Variants in TSPAN13 observed in about 807,000 individuals in gnomAD.
TSPAN13 encodes the protein tetraspanin-13.
Under a neutral mutation model 26.9 loss-of-function variants are expected in TSPAN13, and 18 were observed. The ratio of observed to expected loss-of-function variants is 0.67; its 90% CI spans 0.46 to 0.99. The LOEUF is 0.99. Ranked by LOEUF, TSPAN13 falls within the 50% of genes least tolerant of loss-of-function variation. The pLI is 0.00. For synonymous variants in TSPAN13, 116 were observed against 98.4 expected, an observed-to-expected ratio of 1.18 and a Z score of -1.06; for missense variants, 201 against 249.6, an observed-to-expected ratio of 0.81 and a Z score of 1.31.
intron 1 of TSPAN13, among the ~76,000 whole-genome samples, chr7:16,761,146 A>G (rs1331109331): frequency 6.6e-6 from 1 of 152,166 alleles, no homozygotes; most frequent in Non-Finnish European, 1.5e-5. Context: ...ACCTTTATAT[A>G]ATTTCCATAT....
At chr7:16,781,931 G>A (rs546983922) in intron 5 of TSPAN13, among the ~76,000 whole-genome samples, 128 of 152,092 alleles carry the variant, frequency 8.4e-4, no homozygotes, top group Admixed American at 1.6e-3. Flanking sequence ...TCAGATTACC[G>A]AATAAAACCA....
intron 5 of TSPAN13, among the ~76,000 whole-genome samples, chr7:16,781,166 G>C (rs190919463): frequency 6.2e-4 from 94 of 152,208 alleles, no homozygotes; most frequent in Admixed American, 4.9e-3. Flanking sequence ...GTTCTTTGTA[G>C]TAACTTGAGA....
chr7:16,775,468 A>G lies in TSPAN13; in HGVS notation c.64-743A>G, dbSNP rs190396315. Among the ~76,000 whole-genome samples the G allele has an allele frequency of 1.1e-4, 16 of 152,374 alleles. No homozygotes were observed. The East Asian group carries it at 3.1e-3, about 29-fold the overall frequency. On this transcript the variant is annotated intron_variant, in intron 1 of 5. Coordinates refer to ENST00000262067, the MANE Select transcript of TSPAN13 (RefSeq NM_014399.4). ...CTCTTACATTCTTTTTATTCTGCTA[A>G]AAGTTTTAATGATCTCTCTATATAT...
intron 1 of TSPAN13, among the ~76,000 whole-genome samples, chr7:16,769,006 A>G (rs1330231198): frequency 1.3e-5 from 2 of 151,954 alleles, no homozygotes; most frequent in East Asian, 1.9e-4. Flanking sequence ...TTGTATTTCT[A>G]GTAGAGACAG....
chr7:16,777,485 C>T (rs1184848946), intron 3 of TSPAN13, among the ~76,000 whole-genome samples: 1 of 152,078 alleles, frequency 6.6e-6, no homozygotes, highest in Non-Finnish European at 1.5e-5. Context: ...TAGACAAATC[C>T]AGGTTTCTGT....
chr7:16,777,531 C>G (rs188078917), intron 3 of TSPAN13, among the ~76,000 whole-genome samples: 2 of 152,042 alleles, frequency 1.3e-5, no homozygotes, highest in African/African-American at 2.4e-5. Flanking sequence ...GTTAACACTC[C>G]GAGAATTATG....
chr7:16,781,812 G>A (rs934814809), intron 5 of TSPAN13, among the ~76,000 whole-genome samples: 2 of 152,198 alleles, frequency 1.3e-5, no homozygotes, highest in Admixed American at 1.3e-4. Flanking sequence ...TGATATTTGG[G>A]CAGGTTGAGG....
intron 1 of TSPAN13, among the ~76,000 whole-genome samples, chr7:16,769,892 T>C (rs932280468): frequency 1.3e-5 from 2 of 152,182 alleles, no homozygotes; most frequent in African/African-American, 4.8e-5. Context: ...AGAATAATCT[T>C]TCCTATCTTT....
intron 1 of TSPAN13, among the ~76,000 whole-genome samples, chr7:16,760,489 C>A (rs1157749235): frequency 6.6e-6 from 1 of 152,132 alleles, no homozygotes; most frequent in African/African-American, 2.4e-5. Flanking sequence ...GTGGAGCAGA[C>A]TTTGGGATGA....
intron 1 of TSPAN13, among the ~76,000 whole-genome samples, chr7:16,755,564 A>G (rs889176851): frequency 1.4e-5 from 2 of 140,172 alleles, no homozygotes; most frequent in African/African-American, 5.4e-5. Flanking sequence ...TTTTTAAATC[A>G]GTGTGAGTGG....
rs547445840 is a variant in TSPAN13 at position 16,757,870 on chromosome 7, G to A, written c.63+3840G>A. Reference sequence around the variant, plus strand: ...ATTTTTGAGATGGAGTTTCACTCTCGTTGCCCAGGCTGGAGTGCAATGGCG... The same window carrying A: ...ATTTTTGAGATGGAGTTTCACTCTCATTGCCCAGGCTGGAGTGCAATGGCG... On this transcript the variant is annotated intron_variant, in intron 1 of 5. Coordinates refer to ENST00000262067, the MANE Select transcript of TSPAN13 (RefSeq NM_014399.4). Among the ~76,000 whole-genome samples the A allele has an allele frequency of 1.8e-3, 275 of 152,140 alleles. 1 individual carries two copies. Among genetic ancestry groups the A allele is most frequent in the South Asian group, 0.011 (51 of 4,820 alleles).
At chr7:16,767,058 C>A (rs1583789655) in intron 1 of TSPAN13, among the ~76,000 whole-genome samples, 1 of 152,112 alleles carries the variant, frequency 6.6e-6, no homozygotes, top group Non-Finnish European at 1.5e-5. Flanking sequence ...TCTGTCTCGG[C>A]CTCCCAAGTC....
intron 1 of TSPAN13, among the ~76,000 whole-genome samples, chr7:16,757,894 C>T (rs577019639): frequency 6.6e-6 from 1 of 152,206 alleles, no homozygotes; most frequent in South Asian, 2.1e-4. Context: ...AGTGCAATGG[C>T]GCGATCTTGG....
In TSPAN13 at chr7:16,753,806, G is replaced by A; in HGVS notation, c.-162G>A. On this transcript the variant is annotated 5_prime_UTR_variant, in exon 1 of 6. Transcript: ENST00000262067. Reference sequence around the variant, plus strand: ...TCCAAAGCGGGTCCGAGCCGCCGCCGCGCGCGCGCCGCGCACTGCAGCCCC... The same window carrying A: ...TCCAAAGCGGGTCCGAGCCGCCGCCACGCGCGCGCCGCGCACTGCAGCCCC... 3.3e-6 allele frequency: 2 copies of A among 598,524 alleles called. No homozygotes were observed. The highest frequency in any genetic ancestry group is 5.4e-6 in the Non-Finnish European group (2 of 370,522). The allele number at this position is 598,524 out of a possible 1,614,324, so 37.1% of individuals were successfully genotyped here.
intron 3 of TSPAN13, among the ~76,000 whole-genome samples, chr7:16,777,585 T>C (rs908847979): frequency 3.3e-5 from 5 of 152,232 alleles, no homozygotes; most frequent in African/African-American, 1.2e-4. Flanking sequence ...TAAATTCTTT[T>C]AAATGCATGT....
intron 4 of TSPAN13, among the ~76,000 whole-genome samples, chr7:16,778,530 C>T (rs1344942053): frequency 6.6e-6 from 1 of 152,184 alleles, no homozygotes; most frequent in African/African-American, 2.4e-5. Context: ...TCCCCACGCT[C>T]AGTGGTTGTT....
Position 16,783,588 on chromosome 7 carries a change from T to A in TSPAN13, c.*97T>A. 1 of 1,125,880 alleles carries A rather than the reference T, an allele frequency of 8.9e-7. No individual in the cohort carries two copies. Among genetic ancestry groups the A allele is most frequent in the Non-Finnish European group, 1.3e-6 (1 of 746,094 alleles). 69.7% of individuals were successfully genotyped at this position (1,125,880 alleles called of 1,614,324 possible). A position where few individuals can be genotyped will look rare whatever the true frequency, so the allele number is the denominator to read the frequency against. ...TTTGCCAGTTTAAGGAAGGAAACAC[T>A]ATCTGGAAAAGTACCTTATTGATAG... On this transcript the variant is annotated 3_prime_UTR_variant, in exon 6 of 6. Coordinates refer to ENST00000262067, the MANE Select transcript of TSPAN13 (RefSeq NM_014399.4).
chr7:16,760,202 C>A (rs1040084716), intron 1 of TSPAN13, among the ~76,000 whole-genome samples: 4 of 152,054 alleles, frequency 2.6e-5, no homozygotes, highest in African/African-American at 9.7e-5. Context: ...ATGTAAAAGG[C>A]TATATGGCTT....
chr7:16,776,596 G>A (rs1784752786), intron 2 of TSPAN13, among the ~76,000 whole-genome samples: 1 of 152,064 alleles, frequency 6.6e-6, no homozygotes, highest in Non-Finnish European at 1.5e-5. Context: ...AATATATTCT[G>A]CAAGTTCAGT....
Sources: gnomAD v4.1 joint callset for allele counts (sites outside exome capture counted in the v4.1 genomes callset) on GRCh38, gnomAD v4.1.1 for gene constraint, MANE v1.5 for transcripts, NCBI Gene and HGNC (gene_info 2026-07-23, HGNC 2026-07-21) for gene names.